GOLT1B: variants seen among roughly 807,000 people sequenced by gnomAD.
The protein encoded by GOLT1B is vesicle transport protein GOT1B.
GOLT1B carries 3 observed loss-of-function variants against 15.4 expected under a neutral mutation model. The observed-to-expected ratio is 0.19, with a 90% CI of 0.09 to 0.50. GOLT1B has a LOEUF of 0.50. GOLT1B is among the 20% of genes least tolerant of loss of function. The pLI is 0.97. For synonymous variants in GOLT1B, 65 were observed against 56.2 expected (o/e 1.16, Z -0.70); for missense variants, 145 against 160.4 (o/e 0.90, Z 0.52).
At chr12:21,502,514 C>G (rs909135758) in intron 1 of GOLT1B, among the ~76,000 whole-genome samples, 1 of 152,206 alleles carries the variant, frequency 6.6e-6, no homozygotes, top group Non-Finnish European at 1.5e-5. Flanking sequence ...GAAACATTCT[C>G]ACTTTTCTAC....
Position 21,517,216 on chromosome 12 carries a change from C to T in GOLT1B, c.*1509C>T, listed in dbSNP as rs977391563. ...TACACAGAGAACTCCCAATCTTGCT[C>T]ATCTAAATAAGGAAAGACTTGGTGT... On this transcript the variant is annotated 3_prime_UTR_variant, in exon 5 of 5. Transcript: ENST00000229314. 6.6e-6 allele frequency: 1 copy of T among 152,360 alleles called. No homozygotes were observed. The highest frequency in any genetic ancestry group is 1.5e-5 in the Non-Finnish European group (1 of 67,874). The allele number at this position is 152,360 out of a possible 1,614,324, so 9.4% of individuals were successfully genotyped here.
At chr12:21,514,034 C>T (rs577307497) in intron 4 of GOLT1B, among the ~76,000 whole-genome samples, 2 of 152,310 alleles carry the variant, frequency 1.3e-5, no homozygotes, top group South Asian at 4.1e-4. Flanking sequence ...AGATGACTGT[C>T]TCTTAGCCTA....
rs572699694 is a variant in GOLT1B, at chr12:21,504,423, T to C, written c.26-2462T>C. 18 of 414,654 alleles carry C rather than the reference T, an allele frequency of 4.3e-5. No individual in the cohort carries two copies. The East Asian group carries it at 1.2e-3, about 28-fold the overall frequency. The allele number at this position is 414,654 out of a possible 1,614,324, so 25.7% of individuals were successfully genotyped here. A position where few individuals can be genotyped will look rare whatever the true frequency, so the allele number is the denominator to read the frequency against. ...GTGTGGATCAGGAGCTACTTGGCAA[T>C]GTCATTGCCAGTACCAGTTGTGGCA... On this transcript the variant is annotated intron_variant, in intron 1 of 4. Coordinates refer to ENST00000229314, the MANE Select transcript of GOLT1B (RefSeq NM_016072.5).
chr12:21,508,351 C>A (rs369058204), intron 2 of GOLT1B, 32 bp from the exon 3 acceptor site: 30 of 1,348,844 alleles, frequency 2.2e-5, no homozygotes, highest in Non-Finnish European at 2.9e-5. Context: ...GTTTAATTAC[C>A]TTTTCCGTGT....
At chr12:21,512,261 T>G (rs367645524) in intron 3 of GOLT1B, 34 bp from the exon 4 acceptor site, 7 of 1,032,036 alleles carry the variant, frequency 6.8e-6, no homozygotes, top group Non-Finnish European at 1.0e-5. Context: ...AGAAAATGTG[T>G]AAATATTAAG....
chr12:21,503,235 C>T (rs115130289), intron 1 of GOLT1B, among the ~76,000 whole-genome samples: 155 of 152,344 alleles, frequency 1.0e-3, no homozygotes, highest in African/African-American at 3.7e-3. Flanking sequence ...TAACCATGTG[C>T]TTTCATGTGA....
At position 21,508,507 on chromosome 12, in the gene GOLT1B, G is replaced by A. The variant is rs780623728; in HGVS notation, c.242G>A (p.Gly81Asp). 3 of 1,588,338 alleles carry A rather than the reference G, an allele frequency of 1.9e-6. No homozygotes were observed. The highest frequency in any genetic ancestry group is 2.7e-5 in the African/African-American group (2 of 73,826). Residue 81 changes from glycine to aspartate, a missense_variant, in exon 3 of 5, where the codon GGT becomes GAT. Physicochemically the swap from Gly to Asp is moderately conservative, Grantham distance 94. Coordinates refer to ENST00000229314, the MANE Select transcript of GOLT1B (RefSeq NM_016072.5). ...FLGGVFVVLI[G>D]WPLIGMIFEI... Reference sequence around the variant, plus strand: ...GGTGGTGTATTTGTAGTCCTTATTGGTTGGCCTTTGATAGGCATGATCTTC... The same window carrying A: ...GGTGGTGTATTTGTAGTCCTTATTGATTGGCCTTTGATAGGCATGATCTTC...
rs150365349 is a variant in GOLT1B, at chr12:21,515,822, G to C, written c.*115G>C. 875 of 607,632 alleles carry C rather than the reference G, an allele frequency of 1.4e-3. 8 individuals are homozygous for C. The East Asian group carries it at 0.016, about 11-fold the overall frequency. 37.6% of individuals were successfully genotyped at this position (607,632 alleles called of 1,614,324 possible). A position where few individuals can be genotyped will look rare whatever the true frequency, so the allele number is the denominator to read the frequency against. On this transcript the variant is annotated 3_prime_UTR_variant, in exon 5 of 5. Transcript: ENST00000229314. The stretch of plus-strand genomic sequence containing the variant: ...ATAGCTTGTAATGTTCTTTACAGGA[G>C]TTTAAAACGTATAGCCTACAAAGTA...
chr12:21,514,077 A>T (rs554348081), intron 4 of GOLT1B, among the ~76,000 whole-genome samples: 1 of 152,282 alleles, frequency 6.6e-6, no homozygotes, highest in African/African-American at 2.4e-5. Context: ...CAAAATCCTT[A>T]ATTTCTAAAA....
At position 21,517,379 on chromosome 12, in the gene GOLT1B, T is replaced by C. The variant is rs1208682902; in HGVS notation, c.*1672T>C. 1 of 152,462 alleles carries C rather than the reference T, an allele frequency of 6.6e-6. No homozygotes were observed. Among genetic ancestry groups the C allele is most frequent in the Non-Finnish European group, 1.5e-5 (1 of 67,884 alleles). 9.4% of individuals were successfully genotyped at this position (152,462 alleles called of 1,614,324 possible). On this transcript the variant is annotated 3_prime_UTR_variant, in exon 5 of 5. Transcript: ENST00000229314. ...AGTTAATGGAATAATAAGAGGCTAC[T>C]GTTGTGTCTAATGTTCTTCAAAAAA...
At chr12:21,506,747 T>A in intron 1 of GOLT1B, 138 bp from the exon 2 acceptor site, 1 of 468,398 alleles carries the variant, frequency 2.1e-6, no homozygotes, top group Non-Finnish European at 3.8e-6. Context: ...ATAAATGTCA[T>A]TATGAAGTTA....
intron 2 of GOLT1B, 30 bp from the exon 3 acceptor site, chr12:21,508,339 GTGTTTAATTACCTT>G (rs1943694083): frequency 8.6e-7 from 1 of 1,165,574 alleles, no homozygotes; most frequent in Non-Finnish European, 1.2e-6. Flanking sequence ...TTTATGCATT[GTGTTTAATTACCTT>G]TTCCGTGTTG....
chr12:21,515,173 G>A (rs950780192), intron 4 of GOLT1B: 7 of 784,850 alleles, frequency 8.9e-6, no homozygotes, highest in African/African-American at 8.6e-5. Flanking sequence ...CACATTTAAA[G>A]TATTTTTAGT....
chr12:21,510,378 T>C (rs968784022), intron 3 of GOLT1B, among the ~76,000 whole-genome samples: 20 of 152,170 alleles, frequency 1.3e-4, no homozygotes, highest in Non-Finnish European at 2.5e-4. Context: ...CTTTCCCAGT[T>C]ATGTGGGGGT....
At chr12:21,506,799 G>A (rs1591760885) in intron 1 of GOLT1B, 86 bp from the exon 2 acceptor site, 1 of 602,970 alleles carries the variant, frequency 1.7e-6, no homozygotes, top group Non-Finnish European at 3.0e-6. Flanking sequence ...CCTATGAAAG[G>A]AAAACTGGAA....
chr12:21,512,541 T>G (rs1239266139), intron 4 of GOLT1B, among the ~76,000 whole-genome samples, 165 bp downstream of exon 4: 1 of 152,222 alleles, frequency 6.6e-6, no homozygotes, highest in Non-Finnish European at 1.5e-5. Flanking sequence ...TAATTATTGC[T>G]AAACCTATAA....
intron 4 of GOLT1B, among the ~76,000 whole-genome samples, chr12:21,514,003 G>A (rs1296004343): frequency 6.6e-6 from 1 of 152,178 alleles, no homozygotes; most frequent in Non-Finnish European, 1.5e-5. Flanking sequence ...CAGGGAACTT[G>A]CTCAATTTCA....
rs1390543487 is a variant in GOLT1B at position 21,517,456 on chromosome 12, A to G, written c.*1749A>G. On this transcript the variant is annotated 3_prime_UTR_variant, in exon 5 of 5. Transcript: ENST00000229314. ...AATACATACTTTGAGGATTGACTTTATATAAGGTGCCCTGTAGAACTCTGT... is the reference window on the plus strand; with the variant it reads ...AATACATACTTTGAGGATTGACTTTGTATAAGGTGCCCTGTAGAACTCTGT... 6.6e-6 allele frequency: 1 copy of G among 152,382 alleles called. No homozygotes were observed. Among genetic ancestry groups the G allele is most frequent in the Non-Finnish European group, 1.5e-5 (1 of 67,866 alleles). The allele number at this position is 152,382 out of a possible 1,614,324, so 9.4% of individuals were successfully genotyped here.
intron 4 of GOLT1B, chr12:21,515,365 C>T: frequency 3.1e-6 from 2 of 641,018 alleles, no homozygotes; most frequent in Non-Finnish European, 2.7e-6. Flanking sequence ...GTTAAGCTAG[C>T]AGTGTTATCT....
Sources: gnomAD v4.1 joint callset for allele counts (sites outside exome capture counted in the v4.1 genomes callset) on GRCh38, gnomAD v4.1.1 for gene constraint, MANE v1.5 for transcripts, NCBI Gene and HGNC (gene_info 2026-07-23, HGNC 2026-07-21) for gene names.